REC114: variants seen among roughly 807,000 people sequenced by gnomAD.
The protein encoded by REC114 is meiotic recombination protein REC114.
REC114 carries 27 observed loss-of-function variants against 31.3 expected under a neutral mutation model. The ratio of observed to expected loss-of-function variants is 0.86; its 90% CI spans 0.64 to 1.19. The LOEUF is 1.19. Ranked by LOEUF, REC114 falls within the 50% of genes most tolerant of loss-of-function variation. REC114 has a pLI of 0.00. For missense variants in REC114, 344 were observed against 326.9 expected (o/e 1.05, Z -0.40); for synonymous variants, 134 against 127.7 (o/e 1.05, Z -0.33).
intron 1 of REC114, among the ~76,000 whole-genome samples, chr15:73,444,669 T>C (rs1392971113): frequency 6.6e-6 from 1 of 152,208 alleles, no homozygotes; most frequent in African/African-American, 2.4e-5. Flanking sequence ...CAAATTCCTG[T>C]TAATGTTGAT....
At chr15:73,491,633 C>A (rs1893448513) in intron 2 of REC114, among the ~76,000 whole-genome samples, 1 of 152,224 alleles carries the variant, frequency 6.6e-6, no homozygotes, top group Non-Finnish European at 1.5e-5. Flanking sequence ...TGCAATGGCT[C>A]ACGCCTGTAA....
chr15:73,476,624 G>A (rs1420350070), intron 2 of REC114, among the ~76,000 whole-genome samples: 1 of 152,194 alleles, frequency 6.6e-6, no homozygotes, highest in East Asian at 1.9e-4. Flanking sequence ...TTCATGTAAT[G>A]GAATCATATG....
intron 1 of REC114, among the ~76,000 whole-genome samples, chr15:73,464,180 A>G (rs1160194129): frequency 1.3e-5 from 2 of 150,708 alleles, no homozygotes; most frequent in Non-Finnish European, 3.0e-5. Flanking sequence ...GTTTTGCTCT[A>G]TTTTTCTCCT....
At chr15:73,475,894 T>C (rs997557499) in intron 2 of REC114, among the ~76,000 whole-genome samples, 1 of 152,204 alleles carries the variant, frequency 6.6e-6, no homozygotes, top group African/African-American at 2.4e-5. Context: ...GCTACATTCA[T>C]GGTAAGTGCC....
chr15:73,468,597 G>A (rs1170523841), intron 1 of REC114, among the ~76,000 whole-genome samples: 2 of 151,038 alleles, frequency 1.3e-5, no homozygotes, highest in African/African-American at 4.9e-5. Flanking sequence ...CGGTAACAAT[G>A]TTGAATAGAA....
At chr15:73,520,340 T>C (rs1018331778) in intron 2 of REC114, among the ~76,000 whole-genome samples, 6 of 152,076 alleles carry the variant, frequency 3.9e-5, no homozygotes, top group Non-Finnish European at 7.4e-5. Context: ...TAAGCAATTC[T>C]CTGCCTCAGC....
chr15:73,545,977 T>C (rs1180891497), intron 3 of REC114, among the ~76,000 whole-genome samples: 2 of 152,142 alleles, frequency 1.3e-5, no homozygotes, highest in South Asian at 2.1e-4. Flanking sequence ...AGTAGTATTA[T>C]AGATTGAATG....
chr15:73,505,234 A>T (rs544266461), intron 2 of REC114, among the ~76,000 whole-genome samples: 5 of 152,164 alleles, frequency 3.3e-5, no homozygotes, highest in Non-Finnish European at 7.4e-5. Flanking sequence ...CTTCATGTAT[A>T]AAAGTTTTAA....
chr15:73,521,525 CA>C (rs1036900732), intron 2 of REC114, among the ~76,000 whole-genome samples: 1 of 150,784 alleles, frequency 6.6e-6, no homozygotes, highest in South Asian at 2.1e-4. Context: ...AAATGTATAA[CA>C]AAAAAAATCA....
rs765737215 is a variant in REC114 at position 73,559,769 on chromosome 15, G to A, written c.654G>A (p.Glu218=). The change falls in exon 6 of 6, where the codon GAG becomes GAA. Residue 218 remains glutamate (E), a synonymous_variant. Transcript: ENST00000331090. ...TQLAQTLLAS[E]ELPHVYEQSA... The stretch of plus-strand genomic sequence containing the variant: ...CCCTGCAGACTCTTCTGGCATCGGA[G>A]GAGCTGCCCCATGTCTATGAACAAT... 2 of 1,571,558 alleles carry A rather than the reference G, an allele frequency of 1.3e-6. No homozygotes were observed. Among genetic ancestry groups the A allele is most frequent in the Admixed American group, 2.0e-5 (1 of 50,054 alleles).
chr15:73,487,009 G>A (rs1163668924), intron 2 of REC114, among the ~76,000 whole-genome samples: 11 of 151,122 alleles, frequency 7.3e-5, no homozygotes, highest in Admixed American at 3.9e-4. Context: ...CAACAAGAGC[G>A]AAACTCTGTC....
intron 2 of REC114, among the ~76,000 whole-genome samples, chr15:73,481,311 A>G (rs1893290446): frequency 6.6e-6 from 1 of 152,112 alleles, no homozygotes; most frequent in South Asian, 2.1e-4. Context: ...TTAATGCTTC[A>G]GATTAAACTG....
At chr15:73,538,887 A>G (rs1304606562) in intron 2 of REC114, among the ~76,000 whole-genome samples, 1 of 151,650 alleles carries the variant, frequency 6.6e-6, no homozygotes, top group Non-Finnish European at 1.5e-5. Flanking sequence ...AGTTGTTTCC[A>G]ATCTTATGTT....
chr15:73,518,818 G>C (rs1374329411), intron 2 of REC114, among the ~76,000 whole-genome samples: 5 of 152,224 alleles, frequency 3.3e-5, no homozygotes, highest in Non-Finnish European at 7.3e-5. Flanking sequence ...TGACCTAAAG[G>C]ATGAATGGAT....
chr15:73,454,646 C>G (rs768521992), intron 1 of REC114, among the ~76,000 whole-genome samples: 1 of 152,112 alleles, frequency 6.6e-6, no homozygotes, highest in Non-Finnish European at 1.5e-5. Flanking sequence ...GGCTGAAATA[C>G]AAAATGAGGT....
At chr15:73,545,006 T>C (rs567425294) in intron 3 of REC114, among the ~76,000 whole-genome samples, 1 of 152,334 alleles carries the variant, frequency 6.6e-6, no homozygotes, top group African/African-American at 2.4e-5. Context: ...TTGGAACACC[T>C]ACTGTGGAGC....
At chr15:73,558,598 C>T (rs558423017) in intron 5 of REC114, among the ~76,000 whole-genome samples, 4 of 152,260 alleles carry the variant, frequency 2.6e-5, no homozygotes, top group South Asian at 2.1e-4. Flanking sequence ...ATTAAGACCA[C>T]GATGAGACAT....
At chr15:73,445,719 G>A (rs940744691) in intron 1 of REC114, among the ~76,000 whole-genome samples, 2 of 152,130 alleles carry the variant, frequency 1.3e-5, no homozygotes, top group African/African-American at 4.8e-5. Context: ...AAAGGCTGGT[G>A]GATGGAGCAG....
At chr15:73,477,684 T>C (rs1893233904) in intron 2 of REC114, among the ~76,000 whole-genome samples, 1 of 152,166 alleles carries the variant, frequency 6.6e-6, no homozygotes, top group African/African-American at 2.4e-5. Flanking sequence ...TCCCAAAGTG[T>C]TGGGATTATA....
Sources: gnomAD v4.1 joint callset for allele counts (sites outside exome capture counted in the v4.1 genomes callset) on GRCh38, gnomAD v4.1.1 for gene constraint, MANE v1.5 for transcripts, NCBI Gene and HGNC (gene_info 2026-07-23, HGNC 2026-07-21) for gene names.